The following SPG11 variants were observed in gnomAD, a reference collection of about 807,000 sequenced individuals.
SPG11 encodes the protein SPG11 vesicle trafficking associated, spatacsin.
Under a neutral mutation model 274.0 loss-of-function variants are expected in SPG11, and 222 were observed. The ratio of observed to expected loss-of-function variants is 0.81; its 90% CI spans 0.73 to 0.91. The LOEUF (loss-of-function observed/expected upper bound fraction) is 0.91, where lower values mean the gene tolerates loss of function less well. Among genes scored for constraint, SPG11 ranks in the 40% least tolerant of loss-of-function variants. The probability of loss-of-function intolerance (pLI) is 0.00; values close to 1 mark genes in which losing one functional copy is unlikely to be tolerated. For missense variants in SPG11, 3,114 were observed against 2,872.7 expected, an observed-to-expected ratio of 1.08 and a Z score of -1.92; for synonymous variants, 1,144 against 1,039.7, an observed-to-expected ratio of 1.10 and a Z score of -1.93.
chr15:44,657,130 G>A lies in SPG11; in HGVS notation c.834C>T (p.Asn278=). 6.2e-7 allele frequency: 1 copy of A among 1,614,190 alleles called. No homozygotes were observed. Among genetic ancestry groups the A allele is most frequent in the Non-Finnish European group, 8.5e-7 (1 of 1,180,030 alleles). Residue 278 remains asparagine, a synonymous_variant, in exon 4 of 40, where the codon AAC becomes AAT. Coordinates refer to ENST00000261866, the MANE Select transcript of SPG11 (RefSeq NM_025137.4). The part of the protein sequence containing the change: ...LDVAVIVSSS[N]SAVALNLNLY... Reference sequence around the variant, plus strand: ...AATTTAAGTTAAGAGCAACTGCGGAGTTGGAGGAGCTGACAATCACTGCAA... The same window carrying A: ...AATTTAAGTTAAGAGCAACTGCGGAATTGGAGGAGCTGACAATCACTGCAA...
At position 44,595,343 on chromosome 15, in the gene SPG11, AAGGTTCC is replaced by A; in HGVS notation, c.4544_4550del (p.Trp1515LeufsTer12). 6.2e-7 allele frequency: 1 copy of A among 1,614,216 alleles called. No individual in the cohort carries two copies. On this transcript the variant is annotated frameshift_variant, in exon 26 of 40. Transcript: ENST00000261866. LOFTEE classifies it high-confidence loss of function. The stretch of plus-strand genomic sequence containing the variant: ...TTCTCCAGATGACTGAAAGATCCTC[AAGGTTCC>A]AGGTATGGTCCTCTGTTGAGTCCTG...
Position 44,584,136 on chromosome 15 carries a change from A to G in SPG11, c.5544T>C (p.Ala1848=), listed in dbSNP as rs1436424437. The change falls in exon 30 of 40, where the codon GCT becomes GCC. Residue 1848 remains alanine, a synonymous_variant. Transcript: ENST00000261866. The part of the protein sequence containing the change: ...ASEFSFSKLA[A]LNTSKYLELN... Reference sequence around the variant, plus strand: ...GTTCTAAGTATTTTGATGTGTTCAGAGCAGCCAACTTGGAGAAGGAAAACT... The same window carrying G: ...GTTCTAAGTATTTTGATGTGTTCAGGGCAGCCAACTTGGAGAAGGAAAACT... 2 of 1,614,240 alleles carry G rather than the reference A, an allele frequency of 1.2e-6. No homozygotes were observed. The highest frequency in any genetic ancestry group is 1.7e-6 in the Non-Finnish European group (2 of 1,180,040).
At chr15:44,655,216 C>G (rs1195882617) in intron 4 of SPG11, among the ~76,000 whole-genome samples, 4 of 152,072 alleles carry the variant, frequency 2.6e-5, no homozygotes, top group African/African-American at 9.7e-5. Flanking sequence ...CTGCTTGGGC[C>G]CAGGAGTTTG....
intron 28 of SPG11, chr15:44,588,701 GT>G: frequency 2.4e-6 from 1 of 411,726 alleles, no homozygotes; most frequent in African/African-American, 2.1e-5. Flanking sequence ...TAAATAGCTT[GT>G]TTACTCATGT....
intron 30 of SPG11, among the ~76,000 whole-genome samples, chr15:44,576,838 T>A (rs1440904204): frequency 6.6e-6 from 1 of 151,996 alleles, no homozygotes; most frequent in Non-Finnish European, 1.5e-5. Flanking sequence ...ATTGGCTTTT[T>A]TTGTGTGTGA....
At position 44,613,450 on chromosome 15, in the gene SPG11, T is replaced by G; in HGVS notation, c.3125A>C (p.Gln1042Pro). ...PWFEFLVQCR[Q>P]VASNLTDPKL... ...CATACCTGTTAAGTTACTGGCAACT[T>G]GTCGACACTGAACTAAAAATTCAAA... Residue 1042 changes from glutamine (Q) to proline (P), a missense_variant, in exon 17 of 40, where the codon CAA (glutamine) becomes CCA (proline). Transcript: ENST00000261866. The G allele has an allele frequency of 6.2e-7, 1 of 1,613,678 alleles. No homozygotes were observed. The highest frequency in any genetic ancestry group is 8.5e-7 in the Non-Finnish European group (1 of 1,179,634).
At chr15:44,608,411 T>TA (rs1412129173) in intron 19 of SPG11, 33 bp downstream of exon 19, 8 of 1,609,234 alleles carry the variant, frequency 5.0e-6, no homozygotes, top group Non-Finnish European at 6.8e-6. Context: ...TGAACTCTGA[T>TA]AGACCTAAAT....
intron 24 of SPG11, among the ~76,000 whole-genome samples, chr15:44,596,578 C>G (rs1016484596): frequency 7.2e-5 from 10 of 138,484 alleles, no homozygotes; most frequent in African/African-American, 2.7e-4. Context: ...AGTGCCTTGT[C>G]TGATGCCAAC....
At chr15:44,616,311 T>C (rs1023965461) in intron 15 of SPG11, among the ~76,000 whole-genome samples, 2 of 151,432 alleles carry the variant, frequency 1.3e-5, no homozygotes, top group Admixed American at 6.6e-5. Context: ...GCTCAAGTGA[T>C]CCTCCTACCT....
At chr15:44,626,544 T>G (rs1196256447) in intron 10 of SPG11, 37 bp from the exon 11 acceptor site, 5 of 1,595,314 alleles carry the variant, frequency 3.1e-6, no homozygotes, top group Non-Finnish European at 4.3e-6. Context: ...TAAGTTCTTT[T>G]TCATTTCCTT....
chr15:44,600,928 C>T lies in SPG11; in HGVS notation c.3521-296G>A, dbSNP rs113840402. On this transcript the variant is annotated intron_variant, in intron 20 of 39. Transcript: ENST00000261866. ...CAGCACTTTGGGAGACTAAGGCAGG[C>T]GGATGACCTGAGGTCAAGAGTTGAG... Among the ~76,000 whole-genome samples the T allele has an allele frequency of 8.0e-3, 1,220 of 152,174 alleles. 22 individuals carry two copies. Among genetic ancestry groups the T allele is most frequent in the African/African-American group, 0.027 (1,130 of 41,522 alleles).
rs746860327 is a variant in SPG11 at position 44,600,531 on chromosome 15, G to A, written c.3622C>T (p.Pro1208Ser). Reference protein sequence around the residue: ...NFAYYLHNGRPSFAFGTFLVQ... With the variant: ...NFAYYLHNGRSSFAFGTFLVQ... ...AGAAAAGTACCAAATGCAAATGATG[G>A]CCGCCCATTATGTAAATAATAAGCA... is the stretch of plus-strand genomic sequence containing the variant. The change falls in exon 21 of 40, where the codon CCA becomes TCA. Residue 1208 changes from proline to serine, a missense_variant. By Grantham distance (74) the Pro-to-Ser change is moderately conservative (BLOSUM62 -1). Coordinates refer to ENST00000261866, the MANE Select transcript of SPG11 (RefSeq NM_025137.4). 6.2e-7 allele frequency: 1 copy of A among 1,614,138 alleles called. No individual in the cohort carries two copies. The highest frequency in any genetic ancestry group is 1.1e-5 in the South Asian group (1 of 91,080).
At chr15:44,657,442 A>G (rs928280749) in intron 3 of SPG11, 146 bp from the exon 4 acceptor site, 12 of 700,340 alleles carry the variant, frequency 1.7e-5, no homozygotes, top group African/African-American at 7.2e-5. Context: ...AGCCCCCATT[A>G]TAACAACCAG....
At chr15:44,595,611 G>C in intron 25 of SPG11, 152 bp from the exon 26 acceptor site, 1 of 855,500 alleles carries the variant, frequency 1.2e-6, no homozygotes, top group Non-Finnish European at 1.9e-6. Flanking sequence ...AAACTAATGA[G>C]CAACCAAGGG....
intron 18 of SPG11, among the ~76,000 whole-genome samples, chr15:44,609,032 TTAAA>T (rs1456147093): frequency 6.6e-6 from 1 of 152,220 alleles, no homozygotes. Context: ...AAATAGAGGA[TTAAA>T]TAGTCGTGTT....
rs187238397 is a variant in SPG11 at position 44,646,170 on chromosome 15, T to C, written c.1602+2696A>G. Among the ~76,000 whole-genome samples the C allele has an allele frequency of 1.7e-3, 254 of 152,274 alleles. 1 individual carries two copies. Among genetic ancestry groups the C allele is most frequent in the Non-Finnish European group, 2.9e-3 (198 of 68,012 alleles). On this transcript the variant is annotated intron_variant, in intron 7 of 39. Transcript: ENST00000261866. ...AATATAAATCATTCTACCATAAACA[T>C]ACATGCACACATATATTCCTCACGG...
intron 6 of SPG11, among the ~76,000 whole-genome samples, chr15:44,649,929 A>G (rs1055761385): frequency 1.9e-4 from 29 of 151,690 alleles, no homozygotes; most frequent in Non-Finnish European, 3.4e-4. Flanking sequence ...CCACATTTCT[A>G]CTTTATATTA....
chr15:44,649,851 A>C (rs1595924639), intron 6 of SPG11, among the ~76,000 whole-genome samples: 1 of 151,422 alleles, frequency 6.6e-6, no homozygotes. Context: ...GCCAGATCAC[A>C]CCATTGCACT....
chr15:44,576,672 G>T (rs1331902398), intron 30 of SPG11, among the ~76,000 whole-genome samples: 1 of 151,776 alleles, frequency 6.6e-6, no homozygotes, highest in Non-Finnish European at 1.5e-5. Context: ...AAAGAAGGGG[G>T]TCTATCTATA....
Sources: allele counts gnomAD v4.1 joint callset (sites outside exome capture counted in the v4.1 genomes callset), GRCh38; gene constraint gnomAD v4.1.1; transcripts MANE v1.5; gene names NCBI Gene and HGNC (gene_info 2026-07-23, HGNC 2026-07-21).